The following FRAS1 variants were observed in gnomAD, a reference collection of about 807,000 sequenced individuals.
FRAS1 encodes the protein extracellular matrix organizing protein FRAS1.
A neutral mutation model predicts 435.2 loss-of-function variants in FRAS1; 290 were observed. The observed-to-expected ratio is 0.67, with a 90% CI of 0.61 to 0.73. The LOEUF is 0.73. Ranked by LOEUF, FRAS1 falls within the 30% of genes least tolerant of loss-of-function variation. The probability of loss-of-function intolerance (pLI) is 0.00; values close to 1 mark genes in which losing one functional copy is unlikely to be tolerated. For synonymous variants in FRAS1, 1,800 were observed against 1,851.0 expected (o/e 0.97, Z 0.71); for missense variants, 4,860 against 5,001.5 (o/e 0.97, Z 0.85).
chr4:78,414,186 A>G (rs914310217), intron 32 of FRAS1, among the ~76,000 whole-genome samples: 1 of 152,270 alleles, frequency 6.6e-6, no homozygotes, highest in East Asian at 1.9e-4. Flanking sequence ...CAGCAGCCCT[A>G]TAAAGTCTGT....
chr4:78,302,706 G>GT lies in FRAS1; in HGVS notation c.1535-5351dup, dbSNP rs1259049165. 2.2e-3 allele frequency among the ~76,000 whole-genome samples: 320 copies of GT among 148,240 alleles called. 1 individual carries two copies. Among genetic ancestry groups the GT allele is most frequent in the African/African-American group, 7.5e-3 (303 of 40,366 alleles). ...CACCCACTTTTTGATGGGGTTGTTT[G>GT]TTTTTTTTTCTTGTAAATTTGTTTG... On this transcript the variant is annotated intron_variant, in intron 14 of 73. Transcript: ENST00000512123.
intron 27 of FRAS1, among the ~76,000 whole-genome samples, chr4:78,382,116 A>G (rs1270578624): frequency 6.6e-6 from 1 of 152,148 alleles, no homozygotes; most frequent in East Asian, 1.9e-4. Context: ...AAGACAACTT[A>G]TAAGTGTAGT....
At chr4:78,415,786 G>A (rs1445754867) in intron 32 of FRAS1, among the ~76,000 whole-genome samples, 1 of 152,144 alleles carries the variant, frequency 6.6e-6, no homozygotes, top group East Asian at 1.9e-4. Flanking sequence ...TGAGGGATTT[G>A]TAGCAAAGAA....
chr4:78,308,964 T>C (rs954622840), intron 15 of FRAS1, among the ~76,000 whole-genome samples: 2 of 152,074 alleles, frequency 1.3e-5, no homozygotes, highest in African/African-American at 2.4e-5. Flanking sequence ...ACTCTGTAGG[T>C]GTGATTAAGT....
chr4:78,494,776 T>C (rs1720464746), intron 59 of FRAS1, among the ~76,000 whole-genome samples: 1 of 152,198 alleles, frequency 6.6e-6, no homozygotes, highest in African/African-American at 2.4e-5. Flanking sequence ...GCTTCCTGAC[T>C]CCCTGTCATC....
Position 78,451,795 on chromosome 4 carries a change from A to T in FRAS1, c.6487A>T (p.Thr2163Ser). The change falls in exon 46 of 74, where the codon ACA becomes TCA. Residue 2163 changes from threonine to serine, a missense_variant. Coordinates refer to ENST00000512123, the MANE Select transcript of FRAS1 (RefSeq NM_025074.7). ...AGGCCACGTAGAATATAGTCATGGA[A>T]CAGGAGAACCTGGAGGGAGCTTTGC... ...SQGHVEYSHG[T>S]GEPGGSFAFK... 1.9e-6 allele frequency: 3 copies of T among 1,611,986 alleles called. No individual in the cohort carries two copies. Among genetic ancestry groups the T allele is most frequent in the Non-Finnish European group, 2.5e-6 (3 of 1,178,596 alleles).
chr4:78,288,797 G>A (rs1450264266), intron 14 of FRAS1, among the ~76,000 whole-genome samples: 1 of 152,104 alleles, frequency 6.6e-6, no homozygotes, highest in Non-Finnish European at 1.5e-5. Context: ...TTCCAGATAA[G>A]CTTTCTCAGC....
intron 34 of FRAS1, among the ~76,000 whole-genome samples, chr4:78,422,457 G>A (rs1168486427): frequency 6.6e-6 from 1 of 152,208 alleles, no homozygotes; most frequent in African/African-American, 2.4e-5. Context: ...TGAGAGCTCA[G>A]TAAAGATACT....
At chr4:78,275,858 G>T (rs774677701) in intron 9 of FRAS1, among the ~76,000 whole-genome samples, 47 of 152,152 alleles carry the variant, frequency 3.1e-4, no homozygotes, top group Non-Finnish European at 4.9e-4. Flanking sequence ...TTGAATGTTG[G>T]CCTGCTTTGC....
At chr4:78,423,054 T>G (rs1195454966) in intron 34 of FRAS1, among the ~76,000 whole-genome samples, 1 of 152,210 alleles carries the variant, frequency 6.6e-6, no homozygotes, top group African/African-American at 2.4e-5. Flanking sequence ...TCTCTTCCCT[T>G]GATCCAGTCA....
intron 14 of FRAS1, among the ~76,000 whole-genome samples, chr4:78,288,314 C>T (rs1484361748): frequency 6.6e-6 from 1 of 152,142 alleles, no homozygotes; most frequent in South Asian, 2.1e-4. Context: ...TGCTAGTGCT[C>T]GTGACAGATT....
chr4:78,219,970 C>T (rs1245563558), intron 2 of FRAS1, among the ~76,000 whole-genome samples: 4 of 152,138 alleles, frequency 2.6e-5, no homozygotes, highest in Non-Finnish European at 5.9e-5. Flanking sequence ...TTGCTCATCC[C>T]ATATCCTCTA....
At chr4:78,340,828 G>A (rs1269223630) in intron 20 of FRAS1, among the ~76,000 whole-genome samples, 6 of 152,198 alleles carry the variant, frequency 3.9e-5, no homozygotes, top group Middle Eastern at 3.4e-3. Context: ...GTTTCCCTCC[G>A]CATGTCCTAA....
chr4:78,222,532 G>A (rs951446647), intron 2 of FRAS1, among the ~76,000 whole-genome samples: 4 of 152,238 alleles, frequency 2.6e-5, no homozygotes, highest in African/African-American at 9.6e-5. Flanking sequence ...TGCTGGCGAT[G>A]CTAATAAGTC....
intron 2 of FRAS1, among the ~76,000 whole-genome samples, chr4:78,151,380 A>T (rs1720655613): frequency 1.3e-5 from 2 of 152,102 alleles, no homozygotes; most frequent in African/African-American, 4.8e-5. Flanking sequence ...GGTCATTGAG[A>T]TATTGATAGT....
chr4:78,534,695 C>T, intron 71 of FRAS1, 80 bp downstream of exon 71: 1 of 1,384,708 alleles, frequency 7.2e-7, no homozygotes, highest in South Asian at 1.3e-5. Flanking sequence ...ACTGGCATCT[C>T]TGCTCATATG....
At chr4:78,065,933 C>T in intron 1 of FRAS1, 52 bp from the exon 2 acceptor site, 3 of 1,398,176 alleles carry the variant, frequency 2.1e-6, no homozygotes, top group Admixed American at 1.7e-5. Flanking sequence ...GGGGCAGTGC[C>T]TATTGGTTTA....
Position 78,424,930 on chromosome 4 carries a change from GA to G in FRAS1, c.4711+520del, listed in dbSNP as rs373930990. On this transcript the variant is annotated intron_variant, in intron 35 of 73. Coordinates refer to ENST00000512123, the MANE Select transcript of FRAS1 (RefSeq NM_025074.7). ...GGACAATAGTGAAACCTTATCTCAA[GA>G]AAAAAAAAAGAAATTAATGTTTAAG... is the stretch of plus-strand genomic sequence containing the variant. 7.7e-4 allele frequency among the ~76,000 whole-genome samples: 112 copies of G among 145,916 alleles called. 1 individual carries two copies. The Middle Eastern group carries it at 0.024, about 31-fold the overall frequency.
At chr4:78,489,834 G>A (rs1211603038) in intron 59 of FRAS1, among the ~76,000 whole-genome samples, 1 of 152,028 alleles carries the variant, frequency 6.6e-6, no homozygotes, top group East Asian at 1.9e-4. Flanking sequence ...CTGTCCCAGG[G>A]AAACATATAT....
Sources: allele counts gnomAD v4.1 joint callset (sites outside exome capture counted in the v4.1 genomes callset), GRCh38; gene constraint gnomAD v4.1.1; transcripts MANE v1.5; gene names NCBI Gene and HGNC (gene_info 2026-07-23, HGNC 2026-07-21).